Variants in KLK13 observed in about 807,000 individuals in gnomAD.
KLK13 encodes the protein kallikrein-13.
In KLK13, 19 loss-of-function variants were observed where a neutral mutation model predicts 22.4. The observed-to-expected ratio is 0.85, with a 90% CI of 0.59 to 1.24. KLK13 has a LOEUF of 1.24. KLK13 is among the 50% of genes most tolerant of loss of function. The pLI is 0.00. For missense variants in KLK13, 311 were observed against 347.9 expected (o/e 0.89, Z 0.84); for synonymous variants, 156 against 141.8 (o/e 1.10, Z -0.71).
chr19:51,060,494 G>C lies in KLK13; in HGVS notation c.178C>G (p.Leu60Val), dbSNP rs1337277911. 3 of 1,613,992 alleles carry C rather than the reference G, an allele frequency of 1.9e-6. No individual in the cohort carries two copies. ...GGGTGGACCAGGACTCCCCCACAGA[G>C]TAGCCGCCCTTGCACTAGTAGGGCA... ...QAALLVQGRL[L>V]CGGVLVHPKW... The change falls in exon 2 of 5, where the codon CTC (leucine) becomes GTC (valine). Residue 60 changes from leucine (L) to valine (V), a missense_variant. Leu to Val is a conservative substitution (Grantham distance 32, BLOSUM62 1). Transcript: ENST00000595793.
At chr19:51,065,209 C>G (rs1284255985), upstream of KLK13, 1 of 570,150 alleles carries the variant, frequency 1.8e-6, no homozygotes, top group Non-Finnish European at 3.0e-6. Flanking sequence ...TCTTGACAGC[C>G]CTGACCCTGG....
intron 1 of KLK13, among the ~76,000 whole-genome samples, chr19:51,064,356 C>T (rs1452785131): frequency 2.0e-5 from 3 of 151,664 alleles, no homozygotes; most frequent in South Asian, 2.1e-4. Context: ...GGCGTGGTGG[C>T]GGGCGCCTGT....
intron 4 of KLK13, among the ~76,000 whole-genome samples, chr19:51,057,651 T>C (rs1476154817): frequency 6.6e-6 from 1 of 152,104 alleles, no homozygotes. Context: ...AACTTTTTTT[T>C]CTTTTTGTAG....
At chr19:51,064,989 C>T in intron 1 of KLK13, 27 bp downstream of exon 1, 1 of 1,547,098 alleles carries the variant, frequency 6.5e-7, no homozygotes, top group Non-Finnish European at 8.7e-7. Context: ...GAATGGCCGC[C>T]GCGCCTCCAC....
intron 4 of KLK13, among the ~76,000 whole-genome samples, chr19:51,057,160 C>T (rs1300884855): frequency 6.6e-6 from 1 of 152,136 alleles, no homozygotes; most frequent in African/African-American, 2.4e-5. Context: ...CCAGCTGACC[C>T]TGCTCCTATT....
At position 51,065,006 on chromosome 19, in the gene KLK13, G is replaced by T. The variant is rs201912216; in HGVS notation, c.52+10C>A. 2.7e-4 allele frequency: 408 copies of T among 1,492,312 alleles called. 2 individuals carry two copies. The East Asian group carries it at 8.4e-3, about 31-fold the overall frequency. The allele number at this position is 1,492,312 out of a possible 1,614,324, so 92.4% of individuals were successfully genotyped here. On this transcript the variant is annotated intron_variant, in intron 1 of 4. Coordinates refer to ENST00000595793, the MANE Select transcript of KLK13 (RefSeq NM_015596.3). ...ATGGCCGCCGCGCCTCCACCCCCGC[G>T]CATTCTTACCTCCTGACAAGGCCAA...
At position 51,060,635 on chromosome 19, in the gene KLK13, G is replaced by A. The variant is rs2091721706; in HGVS notation, c.53-16C>T. 2 of 1,564,364 alleles carry A rather than the reference G, an allele frequency of 1.3e-6. No homozygotes were observed. Among genetic ancestry groups the A allele is most frequent in the African/African-American group, 1.4e-5 (1 of 74,008 alleles). On this transcript the variant is annotated splice_polypyrimidine_tract_variant and intron_variant, in intron 1 of 4. Transcript: ENST00000595793. ...TGGGAGACACCTGGTAAAGAAGAGAGATTGTTAGAAAACTGGGATCCAGGG... is the reference window on the plus strand; with the variant it reads ...TGGGAGACACCTGGTAAAGAAGAGAAATTGTTAGAAAACTGGGATCCAGGG...
At position 51,060,421 on chromosome 19, in the gene KLK13, G is replaced by T. The variant is rs773902850; in HGVS notation, c.239+12C>A. 1 of 1,561,596 alleles carries T rather than the reference G, an allele frequency of 6.4e-7. No homozygotes were observed. Among genetic ancestry groups the T allele is most frequent in the Non-Finnish European group, 8.7e-7 (1 of 1,151,106 alleles). On this transcript the variant is annotated intron_variant, in intron 2 of 4. Coordinates refer to ENST00000595793, the MANE Select transcript of KLK13 (RefSeq NM_015596.3). ...CTCATCCCTACCCCATGCTCCCCCG[G>T]CCCCCACATACTCCTTTAGACAGTG...
intron 1 of KLK13, among the ~76,000 whole-genome samples, chr19:51,061,423 G>A (rs1224839591): frequency 6.6e-6 from 1 of 152,178 alleles, no homozygotes; most frequent in Admixed American, 6.5e-5. Context: ...TGTTGATTTG[G>A]ATGCCTTACA....
At chr19:51,059,538 AATAT>A (rs1010392399) in intron 3 of KLK13, 30 of 170,078 alleles carry the variant, frequency 1.8e-4, no homozygotes, top group Admixed American at 1.1e-3. Context: ...CTTTTTGTAT[AATAT>A]ATAATTATAT....
At position 51,056,235 on chromosome 19, in the gene KLK13, T is replaced by G; in HGVS notation, c.*352A>C. ...AAGGATGGTCCATTTATAGGACATA[T>G]ATTGTTGAGATGGGCTGATGGAAAT... On this transcript the variant is annotated 3_prime_UTR_variant, in exon 5 of 5. Coordinates refer to ENST00000595793, the MANE Select transcript of KLK13 (RefSeq NM_015596.3). The G allele has an allele frequency of 4.0e-6, 1 of 253,078 alleles. No individual in the cohort carries two copies. The highest frequency in any genetic ancestry group is 7.6e-6 in the Non-Finnish European group (1 of 130,822). The allele number at this position is 253,078 out of a possible 1,614,324, so 15.7% of individuals were successfully genotyped here.
intron 1 of KLK13, 38 bp downstream of exon 1, chr19:51,064,978 C>T (rs577681920): frequency 6.9e-5 from 107 of 1,541,898 alleles, no homozygotes; most frequent in Non-Finnish European, 9.3e-5. Context: ...ACCATTGTCC[C>T]GAATGGCCGC....
chr19:51,058,826 G>T, intron 3 of KLK13, 152 bp from the exon 4 acceptor site: 1 of 765,880 alleles, frequency 1.3e-6, no homozygotes, highest in Non-Finnish European at 2.2e-6. Context: ...TCTGGGTAAA[G>T]CAACGGAAGT....
Position 51,059,995 on chromosome 19 carries a change from C to T in KLK13, c.338G>A (p.Arg113Gln), listed in dbSNP as rs369228780. ...GTGGTTCAGGTGGGTGGGGCTTCTC[C>T]GGTATTCAGGGTGGGGGATAGAGTG... ...VVHSIPHPEY[R>Q]RSPTHLNHDH... is the part of the protein sequence containing the mutation. The change falls in exon 3 of 5, where the codon CGG (arginine) becomes CAG (glutamine). Residue 113 changes from arginine (R) to glutamine (Q), a missense_variant. Physicochemically the swap from Arg to Gln is conservative, Grantham distance 43. Transcript: ENST00000595793. 131 of 1,613,698 alleles carry T rather than the reference C, an allele frequency of 8.1e-5. No homozygotes were observed. The highest frequency in any genetic ancestry group is 9.9e-5 in the Non-Finnish European group (117 of 1,179,778).
chr19:51,065,096 G>T, upstream of KLK13: 2 of 1,457,754 alleles, frequency 1.4e-6, no homozygotes, highest in Non-Finnish European at 1.9e-6. Context: ...GGAGGGCAGG[G>T]CGGGCGGGGC....
chr19:51,061,075 A>G (rs867340075), intron 1 of KLK13, among the ~76,000 whole-genome samples: 3 of 151,948 alleles, frequency 2.0e-5, no homozygotes, highest in South Asian at 2.1e-4. Flanking sequence ...CCATCTATCC[A>G]TTCATCCATT....
At chr19:51,057,965 G>A (rs116067559) in intron 4 of KLK13, among the ~76,000 whole-genome samples, 2,132 of 152,278 alleles carry the variant, frequency 0.014, 52 homozygotes, top group African/African-American at 0.049. Context: ...CATGACTTAG[G>A]TCAGCCTAGT....
rs1266676103 is a variant in KLK13, at chr19:51,055,996, TA to T, written c.*590del. 6.6e-6 allele frequency among the ~76,000 whole-genome samples: 1 copy of T among 152,136 alleles called. No individual in the cohort carries two copies. Among genetic ancestry groups the T allele is most frequent in the Non-Finnish European group, 1.5e-5 (1 of 68,014 alleles). On this transcript the variant is annotated 3_prime_UTR_variant, in exon 5 of 5. Coordinates refer to ENST00000595793, the MANE Select transcript of KLK13 (RefSeq NM_015596.3). ...TGGGTTGGGACTTCTGAGACACCCATAACAGTGTGAGAATGAAATATTCTGA... is the reference window on the plus strand; with the variant it reads ...TGGGTTGGGACTTCTGAGACACCCATACAGTGTGAGAATGAAATATTCTGA...
chr19:51,058,493 G>A, intron 4 of KLK13, 45 bp downstream of exon 4: 2 of 1,609,902 alleles, frequency 1.2e-6, no homozygotes, highest in South Asian at 2.2e-5. Context: ...CTTCCATTCT[G>A]GCTTTCTATC....
Sources: allele counts gnomAD v4.1 joint callset (sites outside exome capture counted in the v4.1 genomes callset), GRCh38; gene constraint gnomAD v4.1.1; transcripts MANE v1.5; gene names NCBI Gene and HGNC (gene_info 2026-07-23, HGNC 2026-07-21).